Variants in MDFIC2 observed in about 807,000 individuals in gnomAD.
The protein encoded by MDFIC2 is myoD family inhibitor domain-containing protein 2.
At chr3:70,207,442 G>C (rs1246798123) in intron 2 of MDFIC2, among the ~76,000 whole-genome samples, 1 of 152,024 alleles carries the variant, frequency 6.6e-6, no homozygotes, top group Non-Finnish European at 1.5e-5. Flanking sequence ...ACAATAGCTA[G>C]AGATGTTCAG....
rs185804836 is a variant in MDFIC2 at position 70,219,802 on chromosome 3, A to C, written c.89-13012T>G. On this transcript the variant is annotated intron_variant, in intron 2 of 3. Transcript: ENST00000567252. The stretch of plus-strand genomic sequence containing the variant: ...TCAAAAGTGAAGGACAAAGAATTCA[A>C]GTTATGATGGCAAAATGATGCCAAA... Among the ~76,000 whole-genome samples, 33 of 152,296 alleles carry C rather than the reference A, an allele frequency of 2.2e-4. No individual in the cohort carries two copies. The East Asian group carries it at 5.8e-3, about 27-fold the overall frequency.
intron 2 of MDFIC2, among the ~76,000 whole-genome samples, chr3:70,307,196 T>G (rs6800927): frequency 0.47 from 70,803 of 151,814 alleles, 17,097 homozygotes; most frequent in East Asian, 0.82. Context: ...TGTTGTTGTT[T>G]TGGTGGTGGT....
At chr3:70,236,622 G>T (rs1350392291) in intron 2 of MDFIC2, among the ~76,000 whole-genome samples, 2 of 152,030 alleles carry the variant, frequency 1.3e-5, no homozygotes, top group Non-Finnish European at 2.9e-5. Flanking sequence ...CTGAGACAGG[G>T]TCTCACTCTG....
intron 3 of MDFIC2, among the ~76,000 whole-genome samples, chr3:70,197,550 A>G (rs575043295): frequency 3.9e-5 from 6 of 152,186 alleles, no homozygotes; most frequent in Admixed American, 2.0e-4. Flanking sequence ...GGACTCCCCA[A>G]ATACAAGGGG....
intron 2 of MDFIC2, among the ~76,000 whole-genome samples, chr3:70,210,942 C>A (rs1284925381): frequency 6.6e-6 from 1 of 151,992 alleles, no homozygotes; most frequent in East Asian, 1.9e-4. Context: ...TTATTGAGTA[C>A]CCACATGCAA....
At chr3:70,216,093 CA>C (rs1279066909) in intron 2 of MDFIC2, among the ~76,000 whole-genome samples, 3 of 151,626 alleles carry the variant, frequency 2.0e-5, no homozygotes, top group African/African-American at 7.3e-5. Context: ...ATTTGTTTCA[CA>C]AAAATGTAAA....
At chr3:70,281,798 C>T (rs1253974777) in intron 2 of MDFIC2, among the ~76,000 whole-genome samples, 1 of 152,158 alleles carries the variant, frequency 6.6e-6, no homozygotes, top group African/African-American at 2.4e-5. Flanking sequence ...AAAATTCTTG[C>T]ACATATGAAT....
intron 2 of MDFIC2, among the ~76,000 whole-genome samples, chr3:70,231,332 C>T (rs1701558315): frequency 6.6e-6 from 1 of 152,224 alleles, no homozygotes; most frequent in African/African-American, 2.4e-5. Context: ...ACCTGCTAGA[C>T]AAGCAGCCCG....
intron 2 of MDFIC2, among the ~76,000 whole-genome samples, chr3:70,267,262 G>A (rs531086421): frequency 1.8e-4 from 27 of 152,074 alleles, no homozygotes; most frequent in African/African-American, 6.3e-4. Flanking sequence ...AAGAATTGAT[G>A]GGTAAATCTT....
intron 2 of MDFIC2, among the ~76,000 whole-genome samples, chr3:70,296,947 G>A (rs910653810): frequency 4.0e-5 from 6 of 151,714 alleles, no homozygotes; most frequent in African/African-American, 7.3e-5. Flanking sequence ...TGCCTCTCTG[G>A]TCTAGTTTAT....
chr3:70,242,384 T>C (rs1701672855), intron 2 of MDFIC2, among the ~76,000 whole-genome samples: 1 of 152,192 alleles, frequency 6.6e-6, no homozygotes, highest in Non-Finnish European at 1.5e-5. Context: ...TTCCCATTTG[T>C]GGAAAATTTC....
intron 2 of MDFIC2, among the ~76,000 whole-genome samples, chr3:70,310,801 G>A (rs1261305905): frequency 4.6e-5 from 7 of 152,086 alleles, no homozygotes; most frequent in South Asian, 2.1e-4. Context: ...ATGTTCTGAC[G>A]AGTAACTTAA....
intron 2 of MDFIC2, among the ~76,000 whole-genome samples, chr3:70,240,162 G>C (rs1477625282): frequency 6.6e-6 from 1 of 152,036 alleles, no homozygotes; most frequent in Non-Finnish European, 1.5e-5. Flanking sequence ...ATTTTAAAGT[G>C]TAAAATGGCC....
At chr3:70,256,994 G>A (rs879575203) in intron 2 of MDFIC2, among the ~76,000 whole-genome samples, 1 of 152,186 alleles carries the variant, frequency 6.6e-6, no homozygotes, top group Non-Finnish European at 1.5e-5. Context: ...CGAAGGAGAG[G>A]AGGGCAAGTC....
chr3:70,218,525 GTGGTTGC>G (rs1405595700), intron 2 of MDFIC2, among the ~76,000 whole-genome samples: 2 of 152,144 alleles, frequency 1.3e-5, no homozygotes, highest in Admixed American at 6.5e-5. Flanking sequence ...TACCCAGGGT[GTGGTTGC>G]TGGAACGTTT....
intron 2 of MDFIC2, among the ~76,000 whole-genome samples, chr3:70,225,425 C>CT (rs527486892): frequency 2.6e-5 from 4 of 152,254 alleles, no homozygotes; most frequent in Middle Eastern, 3.4e-3. Context: ...TCACATTGAT[C>CT]TTTTTTTATA....
intron 2 of MDFIC2, among the ~76,000 whole-genome samples, chr3:70,225,354 G>A (rs1701494119): frequency 6.6e-6 from 1 of 152,188 alleles, no homozygotes; most frequent in African/African-American, 2.4e-5. Flanking sequence ...CATTTGCAGA[G>A]TTCTGCCGTT....
chr3:70,286,314 G>A (rs1702162104), intron 2 of MDFIC2, among the ~76,000 whole-genome samples: 1 of 152,200 alleles, frequency 6.6e-6, no homozygotes, highest in East Asian at 1.9e-4. Context: ...ATTAAATAGG[G>A]AATCCTTTCC....
chr3:70,223,114 C>A (rs115605032), intron 2 of MDFIC2, among the ~76,000 whole-genome samples: 1 of 152,124 alleles, frequency 6.6e-6, no homozygotes, highest in African/African-American at 2.4e-5. Flanking sequence ...CCCTCTGACA[C>A]CTGCTTCTGA....
Sources: gnomAD v4.1 joint callset for allele counts (sites outside exome capture counted in the v4.1 genomes callset) on GRCh38, gnomAD v4.1.1 for gene constraint, MANE v1.5 for transcripts, NCBI Gene and HGNC (gene_info 2026-07-23, HGNC 2026-07-21) for gene names.